RTL4: variants seen among roughly 807,000 people sequenced by gnomAD.
RTL4 encodes retrotransposon Gag like 4, also known as retrotransposon Gag-like protein 4.
In RTL4, 4 loss-of-function variants were observed where a neutral mutation model predicts 5.3. That is an observed-to-expected ratio of 0.75 (90% CI 0.37 to 1.72). The LOEUF is 1.72. Among genes scored for constraint, RTL4 ranks in the 40% most tolerant of loss-of-function variants. The pLI is 0.04. For synonymous variants in RTL4, 98 were observed against 87.3 expected (o/e 1.12, Z -0.68); for missense variants, 260 against 227.1 (o/e 1.14, Z -0.93).
chrX:112,305,519 C>T, the RTL4 span, among the ~76,000 whole-genome samples: 6 of 109,502 alleles, frequency 5.5e-5, no homozygotes, highest in African/African-American at 1.3e-4. Flanking sequence ...CCTGCCACCA[C>T]GCCCAGCTAA....
the RTL4 span, among the ~76,000 whole-genome samples, chrX:112,216,765 G>C: frequency 8.9e-6 from 1 of 111,959 alleles, no homozygotes; most frequent in African/African-American, 3.2e-5. Context: ...TTAGTACAGA[G>C]GAAGTAAGAA....
chrX:112,218,299 C>T, the RTL4 span, among the ~76,000 whole-genome samples: 1 of 111,497 alleles, frequency 9.0e-6, no homozygotes. Flanking sequence ...TCCTGGTTTC[C>T]CTATCTCTGT....
the RTL4 span, among the ~76,000 whole-genome samples, chrX:112,384,950 T>C: frequency 9.0e-6 from 1 of 111,515 alleles, no homozygotes; most frequent in Middle Eastern, 4.6e-3. Context: ...TATTCCTAGG[T>C]ATTTTATTCT....
At chrX:112,126,049 G>T in the RTL4 span, among the ~76,000 whole-genome samples, 1 of 111,422 alleles carries the variant, frequency 9.0e-6, no homozygotes, top group East Asian at 2.8e-4. Flanking sequence ...AATCATAAGA[G>T]GCTAGGCCCT....
At chrX:112,283,560 A>G in the RTL4 span, among the ~76,000 whole-genome samples, 1 of 111,751 alleles carries the variant, frequency 8.9e-6, no homozygotes, top group South Asian at 3.8e-4. Flanking sequence ...CTTATTGAAT[A>G]GATAAGAATA....
chrX:112,173,443 G>T, the RTL4 span, among the ~76,000 whole-genome samples: 1 of 111,182 alleles, frequency 9.0e-6, no homozygotes, highest in African/African-American at 3.3e-5. Flanking sequence ...CCTTGGGAAA[G>T]TTACTTGGCT....
chrX:112,176,297 GC>G, the RTL4 span, among the ~76,000 whole-genome samples: 1 of 112,032 alleles, frequency 8.9e-6, no homozygotes, highest in African/African-American at 3.2e-5. Context: ...TGGCCATACT[GC>G]CCAAGGTAAT....
chrX:112,292,567 A>T, the RTL4 span, among the ~76,000 whole-genome samples: 1 of 111,938 alleles, frequency 8.9e-6, no homozygotes, highest in Non-Finnish European at 1.9e-5. Context: ...TGATCAAAAG[A>T]TGATTCCTTA....
At chrX:112,313,158 CA>C in the RTL4 span, among the ~76,000 whole-genome samples, 1 of 111,287 alleles carries the variant, frequency 9.0e-6, no homozygotes. Context: ...CTAGAAAGGA[CA>C]TTTTTTTTTC....
At chrX:112,295,275 G>C in the RTL4 span, among the ~76,000 whole-genome samples, 1 of 110,970 alleles carries the variant, frequency 9.0e-6, no homozygotes, top group Non-Finnish European at 1.9e-5. Context: ...CCACCACTGA[G>C]ACCTTCTGCT....
the RTL4 span, among the ~76,000 whole-genome samples, chrX:112,199,910 A>G: frequency 1.8e-5 from 2 of 112,532 alleles, no homozygotes; most frequent in Non-Finnish European, 3.8e-5. Flanking sequence ...GGTAGTAGTC[A>G]TAATAGTTAA....
chrX:112,275,421 A>G, the RTL4 span, among the ~76,000 whole-genome samples: 1 of 111,422 alleles, frequency 9.0e-6, no homozygotes, highest in African/African-American at 3.3e-5. Context: ...CTCTTTTACC[A>G]TCATCTTCTC....
chrX:112,405,411 A>C, the RTL4 span, among the ~76,000 whole-genome samples: 5 of 111,905 alleles, frequency 4.5e-5, no homozygotes, highest in African/African-American at 1.6e-4. Context: ...CCAAACCTCA[A>C]ATGAACTATT....
At chrX:112,451,869 T>G (rs776297020), upstream of RTL4, among the ~76,000 whole-genome samples, 6 of 111,511 alleles carry the variant, frequency 5.4e-5, no homozygotes, top group Middle Eastern at 4.6e-3. Context: ...CCATCCCTAC[T>G]TCTCTGTGAT....
chrX:112,103,984 G>A, the RTL4 span, among the ~76,000 whole-genome samples: 1 of 110,757 alleles, frequency 9.0e-6, no homozygotes, highest in Admixed American at 9.6e-5. Flanking sequence ...ACAATAGATT[G>A]CTTGAACCTA....
the RTL4 span, among the ~76,000 whole-genome samples, chrX:112,326,410 C>T: frequency 9.0e-6 from 1 of 111,391 alleles, no homozygotes; most frequent in African/African-American, 3.3e-5. Context: ...ACTGGAAAAT[C>T]GGGTCACTTC....
At chrX:112,171,224 G>A in the RTL4 span, among the ~76,000 whole-genome samples, 1 of 110,959 alleles carries the variant, frequency 9.0e-6, no homozygotes, top group Non-Finnish European at 1.9e-5. Flanking sequence ...TTTGATTGTT[G>A]TTGTATCTCT....
chrX:112,351,967 G>T, the RTL4 span, among the ~76,000 whole-genome samples: 17 of 111,684 alleles, frequency 1.5e-4, no homozygotes, highest in African/African-American at 5.2e-4. Context: ...TAGCCTTGAT[G>T]GTCTTTACAA....
At chrX:112,265,779 T>C in the RTL4 span, among the ~76,000 whole-genome samples, 1 of 107,766 alleles carries the variant, frequency 9.3e-6, no homozygotes, top group Non-Finnish European at 1.9e-5. Context: ...CCCTTCCCAT[T>C]TTCCCCTCCC....
Sources: gnomAD v4.1 joint callset for allele counts (sites outside exome capture counted in the v4.1 genomes callset) on GRCh38, gnomAD v4.1.1 for gene constraint, MANE v1.5 for transcripts, NCBI Gene and HGNC (gene_info 2026-07-23, HGNC 2026-07-21) for gene names.